Variants in KCNU1 observed in about 807,000 individuals in gnomAD.
KCNU1 encodes potassium channel subfamily U member 1.
A neutral mutation model predicts 126.8 loss-of-function variants in KCNU1; 93 were observed. The observed-to-expected ratio is 0.73, with a 90% CI of 0.62 to 0.87. The LOEUF (loss-of-function observed/expected upper bound fraction) is 0.87, where lower values mean the gene tolerates loss of function less well. Ranked by LOEUF, KCNU1 falls within the 40% of genes least tolerant of loss-of-function variation. The probability of loss-of-function intolerance (pLI) is 0.00; values close to 1 mark genes in which losing one functional copy is unlikely to be tolerated. For synonymous variants in KCNU1, 523 were observed against 494.2 expected (o/e 1.06, Z -0.77); for missense variants, 1,330 against 1,367.1 (o/e 0.97, Z 0.43).
chr8:36,896,992 G>C (rs923215218), intron 19 of KCNU1, among the ~76,000 whole-genome samples: 1 of 152,028 alleles, frequency 6.6e-6, no homozygotes, highest in Non-Finnish European at 1.5e-5. Flanking sequence ...CACAAGATCA[G>C]TAAAGAGAGA....
At position 36,905,729 on chromosome 8, in the gene KCNU1, A is replaced by G; in HGVS notation, c.2031A>G (p.Glu677=). 1 of 1,602,076 alleles carries G rather than the reference A, an allele frequency of 6.2e-7. No individual in the cohort carries two copies. The highest frequency in any genetic ancestry group is 8.6e-7 in the Non-Finnish European group (1 of 1,169,586). Residue 677 remains glutamate (E), a synonymous_variant, in exon 20 of 27, where the codon GAA becomes GAG. Coordinates refer to ENST00000399881, the MANE Select transcript of KCNU1 (RefSeq NM_001031836.3). The part of the protein sequence containing the change: ...FTTRTLQHDV[E]QDSDQLDSSG... ...TTAGGACTCTTCAACATGATGTAGA[A>G]CAAGATTCTGACCAGCTTGATAGCA...
intron 22 of KCNU1, among the ~76,000 whole-genome samples, chr8:36,914,441 T>C (rs903328450): frequency 4.6e-5 from 7 of 152,142 alleles, no homozygotes; most frequent in African/African-American, 7.2e-5. Flanking sequence ...AGTACCAAGG[T>C]GGAGAAACTC....
At chr8:36,931,461 G>T (rs1808701384) in intron 25 of KCNU1, among the ~76,000 whole-genome samples, 1 of 152,090 alleles carries the variant, frequency 6.6e-6, no homozygotes, top group African/African-American at 2.4e-5. Flanking sequence ...CTTGACAAGA[G>T]TATTCATAAT....
chr8:36,859,385 A>C (rs1563299852), intron 18 of KCNU1, among the ~76,000 whole-genome samples: 1 of 152,082 alleles, frequency 6.6e-6, no homozygotes, highest in African/African-American at 2.4e-5. Flanking sequence ...ACTCCCTTCA[A>C]ACAGTTATCT....
intron 18 of KCNU1, among the ~76,000 whole-genome samples, chr8:36,860,644 G>A (rs1330167772): frequency 1.3e-5 from 2 of 152,130 alleles, no homozygotes; most frequent in Admixed American, 1.3e-4. Context: ...GAGGGAATGG[G>A]CAATATGAAA....
intron 10 of KCNU1, among the ~76,000 whole-genome samples, chr8:36,833,268 C>G (rs1438585492): frequency 6.6e-6 from 1 of 152,056 alleles, no homozygotes; most frequent in East Asian, 1.9e-4. Flanking sequence ...ATTTCTCCTT[C>G]TAATTTTTTT....
At chr8:36,788,797 G>A (rs944539009) in intron 2 of KCNU1, among the ~76,000 whole-genome samples, 2 of 152,134 alleles carry the variant, frequency 1.3e-5, no homozygotes, top group African/African-American at 4.8e-5. Context: ...TTGTTGGTTA[G>A]GATCTCTTCA....
chr8:36,933,041 G>T lies in KCNU1; in HGVS notation c.3044+9G>T, dbSNP rs371339918. 231 of 1,485,632 alleles carry T rather than the reference G, an allele frequency of 1.6e-4. 1 individual carries two copies. The African/African-American group carries it at 2.9e-3, about 18-fold the overall frequency. The allele number at this position is 1,485,632 out of a possible 1,614,324, so 92.0% of individuals were successfully genotyped here. On this transcript the variant is annotated intron_variant, in intron 26 of 26. Transcript: ENST00000399881. ...AACCCAGAAAACAAAAGGGGAGTGT[G>T]CTAGATTGGAAAGCACCATCCACCC...
At chr8:36,855,542 G>A (rs1202021153) in intron 18 of KCNU1, among the ~76,000 whole-genome samples, 1 of 152,068 alleles carries the variant, frequency 6.6e-6, no homozygotes, top group Non-Finnish European at 1.5e-5. Context: ...GAAAGCTATC[G>A]ATGAGCTGTG....
intron 5 of KCNU1, among the ~76,000 whole-genome samples, 154 bp downstream of exon 5, chr8:36,806,534 GA>G (rs1803509516): frequency 6.6e-6 from 1 of 152,308 alleles, no homozygotes; most frequent in African/African-American, 2.4e-5. Flanking sequence ...TACACTTGCA[GA>G]AACCTTTTGA....
At chr8:36,796,911 T>G (rs1803121477) in intron 2 of KCNU1, among the ~76,000 whole-genome samples, 1 of 152,144 alleles carries the variant, frequency 6.6e-6, no homozygotes, top group Non-Finnish European at 1.5e-5. Flanking sequence ...TATTATAATA[T>G]TTGGAGATTA....
chr8:36,861,982 G>A (rs537556501), intron 18 of KCNU1, among the ~76,000 whole-genome samples: 18 of 152,048 alleles, frequency 1.2e-4, no homozygotes, highest in Non-Finnish European at 2.1e-4. Flanking sequence ...CAGATCCCAT[G>A]GTTTTCTTTG....
At chr8:36,796,364 C>T (rs1234242402) in intron 2 of KCNU1, among the ~76,000 whole-genome samples, 1 of 152,070 alleles carries the variant, frequency 6.6e-6, no homozygotes, top group Non-Finnish European at 1.5e-5. Context: ...GAAAGACTGT[C>T]TATTTGATGT....
intron 26 of KCNU1, 29 bp from the exon 27 acceptor site, chr8:36,935,486 T>G (rs369884016): frequency 2.6e-6 from 4 of 1,546,822 alleles, no homozygotes; most frequent in Middle Eastern, 1.7e-4. Context: ...CTGCAGAACC[T>G]CAGCATTTAT....
intron 26 of KCNU1, 49 bp downstream of exon 26, chr8:36,933,081 A>G: frequency 1.8e-6 from 2 of 1,114,960 alleles, no homozygotes; most frequent in Non-Finnish European, 2.7e-6. Flanking sequence ...AAGCATAAGA[A>G]CCAAAGCTAC....
At chr8:36,852,713 T>C (rs1319307126) in intron 18 of KCNU1, among the ~76,000 whole-genome samples, 1 of 152,136 alleles carries the variant, frequency 6.6e-6, no homozygotes, top group Non-Finnish European at 1.5e-5. Flanking sequence ...GTACATATGA[T>C]ATGCATAAGT....
At chr8:36,922,904 G>A (rs1263000376) in intron 24 of KCNU1, 8 of 551,926 alleles carry the variant, frequency 1.4e-5, no homozygotes, top group South Asian at 1.2e-4. Context: ...AGCTTCTAAG[G>A]CATCGCTGCA....
At chr8:36,900,542 G>A (rs1301882884) in intron 19 of KCNU1, among the ~76,000 whole-genome samples, 1 of 152,062 alleles carries the variant, frequency 6.6e-6, no homozygotes, top group Non-Finnish European at 1.5e-5. Flanking sequence ...CACTGATTAT[G>A]TAACCTGCCC....
rs201369844 is a variant in KCNU1, at chr8:36,935,664, C to A, written c.3194C>A (p.Thr1065Lys). The change falls in exon 27 of 27, where the codon ACA becomes AAA. Residue 1065 changes from threonine to lysine, a missense_variant. Transcript: ENST00000399881. ...GAAATTGTAAATAAAGCATCACAGA[C>A]AACAGAGACACATTCAGACACAAAT... is the stretch of plus-strand genomic sequence containing the variant. ...SYEIVNKASQTTETHSDTNCP... is the reference protein window; with the variant it reads ...SYEIVNKASQKTETHSDTNCP... 6.2e-6 allele frequency: 10 copies of A among 1,613,390 alleles called. No homozygotes were observed. Among genetic ancestry groups the A allele is most frequent in the Non-Finnish European group, 8.5e-6 (10 of 1,179,530 alleles).
Sources: gnomAD v4.1 joint callset for allele counts (sites outside exome capture counted in the v4.1 genomes callset) on GRCh38, gnomAD v4.1.1 for gene constraint, MANE v1.5 for transcripts, NCBI Gene and HGNC (gene_info 2026-07-23, HGNC 2026-07-21) for gene names.